Variants in ZNF676 observed in about 807,000 individuals in gnomAD.
ZNF676 encodes the protein zinc finger protein 676.
A neutral mutation model predicts 6.0 loss-of-function variants in ZNF676; 4 were observed. That is an observed-to-expected ratio of 0.67 (90% CI 0.33 to 1.53). ZNF676 has a LOEUF of 1.53. Among genes scored for constraint, ZNF676 ranks in the 40% most tolerant of loss-of-function variants. The pLI, the probability that ZNF676 is intolerant of heterozygous loss-of-function variation, is 0.06. For synonymous variants in ZNF676, 198 were observed against 223.1 expected, an observed-to-expected ratio of 0.89 and a Z score of 1.00; for missense variants, 644 against 679.7, an observed-to-expected ratio of 0.95 and a Z score of 0.58.
the ZNF676 span, among the ~76,000 whole-genome samples, chr19:22,242,533 A>G: frequency 1.3e-5 from 2 of 151,966 alleles, no homozygotes; most frequent in Non-Finnish European, 2.9e-5. Flanking sequence ...GGAGCCCACG[A>G]TATGTCAAAA....
At chr19:22,202,605 G>T (rs2024037209) in intron 1 of ZNF676, among the ~76,000 whole-genome samples, 2 of 152,134 alleles carry the variant, frequency 1.3e-5, no homozygotes, top group African/African-American at 4.8e-5. Context: ...AGAACAGAAA[G>T]AAAACTGTTT....
the ZNF676 span, among the ~76,000 whole-genome samples, chr19:22,241,351 G>A: frequency 2.0e-5 from 3 of 151,992 alleles, no homozygotes; most frequent in Non-Finnish European, 4.4e-5. Context: ...GTACACAAAA[G>A]ACCCAATCCC....
chr19:22,230,406 GT>G, the ZNF676 span, among the ~76,000 whole-genome samples: 1 of 151,910 alleles, frequency 6.6e-6, no homozygotes, highest in East Asian at 1.9e-4. Context: ...TAGATGATGG[GT>G]TGATGGGTTC....
chr19:22,197,219 G>A (rs2023976539), upstream of ZNF676, among the ~76,000 whole-genome samples: 1 of 151,838 alleles, frequency 6.6e-6, no homozygotes, highest in Non-Finnish European at 1.5e-5. Context: ...CTACTCGGGA[G>A]GCTGAGGCAG....
chr19:22,187,595 A>C lies in ZNF676; in HGVS notation c.130+5421T>G, dbSNP rs191774836. Among the ~76,000 whole-genome samples the C allele has an allele frequency of 2.1e-3, 318 of 152,072 alleles. 1 individual carries two copies. The highest frequency in any genetic ancestry group is 3.7e-3 in the Non-Finnish European group (249 of 67,962). On this transcript the variant is annotated intron_variant, in intron 2 of 2. Transcript: ENST00000397121. ...TCCAGGAGCTATTTTTTTTTTCAAA[A>C]AGATCAACAAAATAGATAGACTGCT... is the stretch of plus-strand genomic sequence containing the variant.
At chr19:22,229,327 C>T in the ZNF676 span, among the ~76,000 whole-genome samples, 1 of 152,140 alleles carries the variant, frequency 6.6e-6, no homozygotes, top group African/African-American at 2.4e-5. Flanking sequence ...GGACCCCTTC[C>T]TTACACCATA....
At chr19:22,220,706 C>T (rs568681981), upstream of ZNF676, among the ~76,000 whole-genome samples, 1 of 152,258 alleles carries the variant, frequency 6.6e-6, no homozygotes, top group African/African-American at 2.4e-5. Context: ...ATCCCCCCAC[C>T]TCGTCCTACC....
At chr19:22,215,241 G>T (rs1023178216) in intron 1 of ZNF676, among the ~76,000 whole-genome samples, 1 of 151,800 alleles carries the variant, frequency 6.6e-6, no homozygotes, top group Non-Finnish European at 1.5e-5. Context: ...TTTTTTCGGC[G>T]ACTTCCATAA....
intron 1 of ZNF676, among the ~76,000 whole-genome samples, chr19:22,204,578 A>G (rs564785116): frequency 6.6e-6 from 1 of 152,200 alleles, no homozygotes; most frequent in Non-Finnish European, 1.5e-5. Context: ...TGGCTTTCGC[A>G]GTGTAAGTAT....
chr19:22,253,610 A>C, the ZNF676 span, among the ~76,000 whole-genome samples: 1 of 151,864 alleles, frequency 6.6e-6, no homozygotes, highest in Non-Finnish European at 1.5e-5. Context: ...ACTAAGAGTC[A>C]ACATCTCTCC....
At chr19:22,199,855 T>TAA (rs1196097262), upstream of ZNF676, among the ~76,000 whole-genome samples, 1 of 152,234 alleles carries the variant, frequency 6.6e-6, no homozygotes, top group Non-Finnish European at 1.5e-5. Context: ...TAAAAATTTG[T>TAA]AAAGTAAGAT....
chr19:22,259,399 C>T, the ZNF676 span, among the ~76,000 whole-genome samples: 1 of 152,238 alleles, frequency 6.6e-6, no homozygotes, highest in South Asian at 2.1e-4. Context: ...AGTGATATGT[C>T]ACAATCTCCT....
intron 1 of ZNF676, among the ~76,000 whole-genome samples, chr19:22,206,502 G>A (rs146361013): frequency 3.9e-5 from 6 of 151,918 alleles, no homozygotes; most frequent in African/African-American, 1.2e-4. Flanking sequence ...ATGAAACCCC[G>A]TCTCTTCTCA....
the ZNF676 span, among the ~76,000 whole-genome samples, chr19:22,234,308 C>T: frequency 6.6e-6 from 1 of 152,178 alleles, no homozygotes; most frequent in African/African-American, 2.4e-5. Flanking sequence ...GTCATCAGTG[C>T]AGGCTGGGGG....
At chr19:22,196,165 A>C (rs2023964466) in intron 1 of ZNF676, among the ~76,000 whole-genome samples, 1 of 152,138 alleles carries the variant, frequency 6.6e-6, no homozygotes, top group Non-Finnish European at 1.5e-5. Context: ...TCAGCATTCC[A>C]CTGGAGGCTA....
At chr19:22,196,461 A>C in intron 1 of ZNF676, 139 bp downstream of exon 1, 1 of 1,515,796 alleles carries the variant, frequency 6.6e-7, no homozygotes, top group Non-Finnish European at 9.0e-7. Flanking sequence ...CAAGGAGTCC[A>C]CGACCCCTTC....
chr19:22,259,335 A>C, the ZNF676 span, among the ~76,000 whole-genome samples: 15 of 152,142 alleles, frequency 9.9e-5, no homozygotes, highest in African/African-American at 3.6e-4. Flanking sequence ...CAACCAGCCC[A>C]GTGGGAAGAG....
chr19:22,192,910 A>G, intron 2 of ZNF676, 106 bp downstream of exon 2: 1 of 1,249,152 alleles, frequency 8.0e-7, no homozygotes. Context: ...TTAGCTTTCC[A>G]GAAACAACTA....
chr19:22,221,404 A>C, the ZNF676 span, among the ~76,000 whole-genome samples: 1 of 152,136 alleles, frequency 6.6e-6, no homozygotes, highest in South Asian at 2.1e-4. Context: ...ATTGATTTCT[A>C]ATTTTATTCC....
Sources: gnomAD v4.1 joint callset for allele counts (sites outside exome capture counted in the v4.1 genomes callset) on GRCh38, gnomAD v4.1.1 for gene constraint, MANE v1.5 for transcripts, NCBI Gene and HGNC (gene_info 2026-07-23, HGNC 2026-07-21) for gene names.